Variants in IL20RA observed in about 807,000 individuals in gnomAD.
IL20RA encodes interleukin-20 receptor subunit alpha.
In IL20RA, 29 loss-of-function variants were observed where a neutral mutation model predicts 36.5. The observed-to-expected ratio is 0.79, with a 90% CI of 0.59 to 1.08. IL20RA has a LOEUF of 1.08. IL20RA is among the 50% of genes least tolerant of loss of function. The pLI, the probability that IL20RA is intolerant of heterozygous loss-of-function variation, is 0.00. For missense variants in IL20RA, 652 were observed against 668.4 expected (o/e 0.98, Z 0.27); for synonymous variants, 279 against 267.1 (o/e 1.04, Z -0.43).
chr6:137,011,319 A>G lies in IL20RA; in HGVS notation c.358T>C (p.Cys120Arg). The G allele has an allele frequency of 6.2e-7, 1 of 1,613,750 alleles. No homozygotes were observed. Among genetic ancestry groups the G allele is most frequent in the Non-Finnish European group, 8.5e-7 (1 of 1,179,850 alleles). Residue 120 changes from cysteine (C) to arginine (R), a missense_variant, in exon 3 of 7, where the codon TGT becomes CGT. Coordinates refer to ENST00000316649, the MANE Select transcript of IL20RA (RefSeq NM_014432.4). Reference protein sequence around the residue: ...AKVKAIWGTKCSKWAESGRFY... With the variant: ...AKVKAIWGTKRSKWAESGRFY... ...CGTCCACTTTCAGCCCATTTGGAAC[A>G]CTTTGTTCCCCAAATGGCCTTAACT...
At position 137,004,167 on chromosome 6, in the gene IL20RA, T is replaced by G. The variant is rs900529510; in HGVS notation, c.864+454A>C. Among the ~76,000 whole-genome samples, 15 of 125,466 alleles carry G rather than the reference T, an allele frequency of 1.2e-4. 1 individual carries two copies. The highest frequency in any genetic ancestry group is 8.8e-4 in the Admixed American group (11 of 12,496). 82.3% of individuals were successfully genotyped at this position (125,466 alleles called of 152,430 possible). A position where few individuals can be genotyped will look rare whatever the true frequency, so the allele number is the denominator to read the frequency against. ...TCAGCTAATCCAGAAAGCTTTTTTT[T>G]TTTTTTTTTTTTTTTTTTGAGACAG... On this transcript the variant is annotated intron_variant, in intron 6 of 6. Transcript: ENST00000316649.
chr6:137,026,717 A>G (rs1211833443), intron 1 of IL20RA, among the ~76,000 whole-genome samples: 1 of 152,200 alleles, frequency 6.6e-6, no homozygotes. Context: ...CAAAACAGGT[A>G]TGACTGCCTT....
intron 1 of IL20RA, among the ~76,000 whole-genome samples, chr6:137,028,552 T>C (rs1393440992): frequency 6.6e-6 from 1 of 152,092 alleles, no homozygotes; most frequent in African/African-American, 2.4e-5. Context: ...GAGCAATACA[T>C]AAGTCATACA....
At position 137,044,128 on chromosome 6, in the gene IL20RA, G is replaced by A. The variant is rs1776809995; in HGVS notation, c.88+513C>T. The stretch of plus-strand genomic sequence containing the variant: ...GCGTCTTTCTGGATCATGTTCCTTC[G>A]GGGCTGACCCTTTCGGGGAGTTTGG... On this transcript the variant is annotated intron_variant, in intron 1 of 6. Transcript: ENST00000316649. 5 of 985,516 alleles carry A rather than the reference G, an allele frequency of 5.1e-6. No homozygotes were observed. The South Asian group carries it at 1.9e-4, about 37-fold the overall frequency. 61.0% of individuals were successfully genotyped at this position (985,516 alleles called of 1,614,324 possible). A position where few individuals can be genotyped will look rare whatever the true frequency, so the allele number is the denominator to read the frequency against.
chr6:137,021,502 C>CAAAA (rs3041896), intron 1 of IL20RA, among the ~76,000 whole-genome samples: 4,451 of 140,068 alleles, frequency 0.032, 86 homozygotes, highest in African/African-American at 0.043. Flanking sequence ...CTGTTTCTAG[C>CAAAA]AAAAAAAAAA....
rs563720457 is a variant in IL20RA, at chr6:137,032,462, G to A, written c.88+12179C>T. Among the ~76,000 whole-genome samples the A allele has an allele frequency of 2.6e-5, 4 of 152,266 alleles. No individual in the cohort carries two copies. In the South Asian group the frequency reaches 6.2e-4, roughly 24 times the overall value. On this transcript the variant is annotated intron_variant, in intron 1 of 6. Coordinates refer to ENST00000316649, the MANE Select transcript of IL20RA (RefSeq NM_014432.4). ...CAAGGTAAGTGACTTGCCCACAGAG[G>A]GCAGTGGACGAGGAGGGGCTGAACT... is the stretch of plus-strand genomic sequence containing the variant.
intron 5 of IL20RA, among the ~76,000 whole-genome samples, 186 bp downstream of exon 5, chr6:137,008,413 C>A (rs934573177): frequency 2.0e-5 from 3 of 152,216 alleles, no homozygotes; most frequent in African/African-American, 7.2e-5. Flanking sequence ...CACTTCTGAA[C>A]GTCGGCCAAG....
At chr6:137,034,969 G>T (rs1776437759) in intron 1 of IL20RA, among the ~76,000 whole-genome samples, 2 of 151,400 alleles carry the variant, frequency 1.3e-5, no homozygotes, top group African/African-American at 4.9e-5. Flanking sequence ...AAAAAGAGTG[G>T]GAACATGTGG....
chr6:137,044,653 A>C lies in IL20RA; in HGVS notation c.76T>G (p.Trp26Gly). Reference protein sequence around the residue: ...PLLLLLLAAPWGRAVPCVSGG... With the variant: ...PLLLLLLAAPGGRAVPCVSGG... ...GCGACCCACCTACCTGCCCGTCCCC[A>C]AGGCGCCGCCAGGAGCAACAGCAGC... Residue 26 changes from tryptophan to glycine, a missense_variant, in exon 1 of 7, where the codon TGG (tryptophan) becomes GGG (glycine). Physicochemically the swap from Trp to Gly is radical, Grantham distance 184. Coordinates refer to ENST00000316649, the MANE Select transcript of IL20RA (RefSeq NM_014432.4). 4 of 1,222,922 alleles carry C rather than the reference A, an allele frequency of 3.3e-6. No individual in the cohort carries two copies. Among genetic ancestry groups the C allele is most frequent in the Non-Finnish European group, 4.1e-6 (4 of 981,990 alleles). The allele number at this position is 1,222,922 out of a possible 1,614,324, so 75.8% of individuals were successfully genotyped here. A position where few individuals can be genotyped will look rare whatever the true frequency, so the allele number is the denominator to read the frequency against.
Position 137,008,763 on chromosome 6 carries a change from A to C in IL20RA, c.580-20T>G, listed in dbSNP as rs1255906877. 6.4e-7 allele frequency: 1 copy of C among 1,557,620 alleles called. No individual in the cohort carries two copies. Among genetic ancestry groups the C allele is most frequent in the Admixed American group, 1.9e-5 (1 of 54,024 alleles). On this transcript the variant is annotated intron_variant, in intron 4 of 6. Transcript: ENST00000316649. ...GGACCACTAGGATAGGGAATTGCAA[A>C]CATTGGTTAGAGCCAGACATTTCTG...
intron 5 of IL20RA, among the ~76,000 whole-genome samples, chr6:137,006,358 G>A (rs951939725): frequency 3.9e-5 from 6 of 152,094 alleles, no homozygotes; most frequent in African/African-American, 7.2e-5. Flanking sequence ...CGGATGCTGC[G>A]GGTGTCAGAA....
At chr6:137,013,576 T>C (rs774889578) in intron 2 of IL20RA, among the ~76,000 whole-genome samples, 1 of 152,208 alleles carries the variant, frequency 6.6e-6, no homozygotes. Context: ...ACATGACTAG[T>C]AAACAGCATT....
At chr6:137,019,871 T>G (rs1488250141) in intron 1 of IL20RA, among the ~76,000 whole-genome samples, 1 of 152,232 alleles carries the variant, frequency 6.6e-6, no homozygotes. Flanking sequence ...ATGCCTCCCC[T>G]GCACGTCTAC....
At chr6:137,008,423 G>C (rs1054506898) in intron 5 of IL20RA, among the ~76,000 whole-genome samples, 176 bp downstream of exon 5, 1 of 152,216 alleles carries the variant, frequency 6.6e-6, no homozygotes, top group African/African-American at 2.4e-5. Context: ...CGTCGGCCAA[G>C]CTCAATGGCA....
intron 1 of IL20RA, among the ~76,000 whole-genome samples, chr6:137,031,961 G>A (rs1776302151): frequency 6.7e-6 from 1 of 148,340 alleles, no homozygotes; most frequent in Non-Finnish European, 1.5e-5. Flanking sequence ...GCTGAGTCAT[G>A]AGAATCACTT....
intron 1 of IL20RA, among the ~76,000 whole-genome samples, chr6:137,040,642 T>C (rs1776657646): frequency 1.3e-5 from 2 of 152,188 alleles, no homozygotes; most frequent in African/African-American, 4.8e-5. Flanking sequence ...CTGATAATGA[T>C]AGTATTGGAT....
At chr6:137,008,908 C>G in intron 4 of IL20RA, 165 bp from the exon 5 acceptor site, 1 of 326,844 alleles carries the variant, frequency 3.1e-6, no homozygotes, top group Non-Finnish European at 5.0e-6. Flanking sequence ...TCAATATACT[C>G]TTTTCCTTTA....
chr6:137,034,961 A>T (rs1776437017), intron 1 of IL20RA, among the ~76,000 whole-genome samples: 1 of 151,554 alleles, frequency 6.6e-6, no homozygotes, highest in Admixed American at 6.6e-5. Flanking sequence ...AAAAAAAAAA[A>T]AAGAGTGGGA....
intron 1 of IL20RA, among the ~76,000 whole-genome samples, chr6:137,040,795 A>T (rs1252715464): frequency 6.6e-6 from 1 of 152,252 alleles, no homozygotes; most frequent in Non-Finnish European, 1.5e-5. Flanking sequence ...AGTGAAATAA[A>T]AAATCACTAC....
Sources: gnomAD v4.1 joint callset for allele counts (sites outside exome capture counted in the v4.1 genomes callset) on GRCh38, gnomAD v4.1.1 for gene constraint, MANE v1.5 for transcripts, NCBI Gene and HGNC (gene_info 2026-07-23, HGNC 2026-07-21) for gene names.